The following L3MBTL4 variants were observed in gnomAD, a reference collection of about 807,000 sequenced individuals.
L3MBTL4 encodes the protein L3MBTL histone methyl-lysine binding protein 4, also known as lethal(3)malignant brain tumor-like protein 4.
L3MBTL4 carries 70 observed loss-of-function variants against 84.5 expected under a neutral mutation model. The ratio of observed to expected loss-of-function variants is 0.83; its 90% CI spans 0.68 to 1.01. The LOEUF (loss-of-function observed/expected upper bound fraction) is 1.01, where lower values mean the gene tolerates loss of function less well. Ranked by LOEUF, L3MBTL4 falls within the 50% of genes least tolerant of loss-of-function variation. The pLI is 0.00. For missense variants in L3MBTL4, 715 were observed against 754.8 expected, an observed-to-expected ratio of 0.95 and a Z score of 0.62; for synonymous variants, 274 against 259.8, an observed-to-expected ratio of 1.05 and a Z score of -0.52.
intron 17 of L3MBTL4, among the ~76,000 whole-genome samples, chr18:5,963,929 G>GCACC (rs946691639): frequency 3.3e-5 from 5 of 152,250 alleles, no homozygotes; most frequent in African/African-American, 1.2e-4. Context: ...CACTTGCCCT[G>GCACC]CACCCACAGA....
At chr18:6,385,049 G>A (rs2144416896) in intron 1 of L3MBTL4, among the ~76,000 whole-genome samples, 1 of 152,264 alleles carries the variant, frequency 6.6e-6, no homozygotes, top group Admixed American at 6.5e-5. Flanking sequence ...GGAAGGGAGA[G>A]AAGTTCGTAA....
At chr18:5,981,516 C>T (rs779623609) in intron 16 of L3MBTL4, among the ~76,000 whole-genome samples, 6 of 152,142 alleles carry the variant, frequency 3.9e-5, no homozygotes, top group Admixed American at 1.3e-4. Context: ...CAGGTCCTGT[C>T]GGAAACTAAG....
At chr18:6,051,702 C>T (rs1205117868) in intron 16 of L3MBTL4, among the ~76,000 whole-genome samples, 1 of 152,136 alleles carries the variant, frequency 6.6e-6, no homozygotes, top group Non-Finnish European at 1.5e-5. Context: ...CTGGGTGGAG[C>T]CACCACCTTC....
chr18:6,279,700 C>T (rs2049242284), intron 4 of L3MBTL4, among the ~76,000 whole-genome samples: 1 of 152,124 alleles, frequency 6.6e-6, no homozygotes, highest in Non-Finnish European at 1.5e-5. Flanking sequence ...AAAATATACT[C>T]CATATAATTA....
intron 12 of L3MBTL4, among the ~76,000 whole-genome samples, chr18:6,202,048 A>G (rs990749015): frequency 6.6e-6 from 1 of 152,138 alleles, no homozygotes; most frequent in Non-Finnish European, 1.5e-5. Flanking sequence ...ACCAACTTTC[A>G]GCCAGTCAAA....
intron 1 of L3MBTL4, among the ~76,000 whole-genome samples, chr18:6,315,132 T>C (rs936282534): frequency 2.6e-5 from 4 of 152,236 alleles, no homozygotes; most frequent in African/African-American, 7.2e-5. Flanking sequence ...AGGGACACTA[T>C]GTCTAACGAC....
intron 16 of L3MBTL4, among the ~76,000 whole-genome samples, chr18:6,051,146 G>A (rs945008082): frequency 6.6e-6 from 1 of 152,170 alleles, no homozygotes; most frequent in African/African-American, 2.4e-5. Flanking sequence ...AGCTAATTTG[G>A]TTGCCAGTCC....
At chr18:6,319,872 A>G (rs115306201) in intron 1 of L3MBTL4, among the ~76,000 whole-genome samples, 1 of 152,148 alleles carries the variant, frequency 6.6e-6, no homozygotes, top group East Asian at 1.9e-4. Context: ...ATCCCTGATG[A>G]ACATAGATGC....
chr18:6,276,968 T>TA (rs2049106540), intron 4 of L3MBTL4, among the ~76,000 whole-genome samples: 1 of 151,936 alleles, frequency 6.6e-6, no homozygotes, highest in East Asian at 1.9e-4. Flanking sequence ...GAGAGTAAAA[T>TA]AACAAAATTT....
intron 16 of L3MBTL4, among the ~76,000 whole-genome samples, chr18:6,044,376 A>G (rs1243431205): frequency 6.6e-6 from 1 of 152,206 alleles, no homozygotes; most frequent in East Asian, 1.9e-4. Flanking sequence ...ATGGTCACAA[A>G]TGGATGTGGT....
At chr18:6,117,014 C>T (rs73380077) in intron 14 of L3MBTL4, among the ~76,000 whole-genome samples, 2,667 of 152,294 alleles carry the variant, frequency 0.018, 67 homozygotes, top group African/African-American at 0.061. Context: ...ATATGCATTG[C>T]TTTGGTGTTG....
chr18:6,390,085 G>C (rs2054984061), intron 1 of L3MBTL4, among the ~76,000 whole-genome samples: 1 of 152,036 alleles, frequency 6.6e-6, no homozygotes, highest in South Asian at 2.1e-4. Context: ...AAAAACTGAA[G>C]TCATATCAAG....
intron 16 of L3MBTL4, among the ~76,000 whole-genome samples, chr18:6,010,557 T>C (rs1299703110): frequency 6.6e-6 from 1 of 152,224 alleles, no homozygotes; most frequent in Non-Finnish European, 1.5e-5. Context: ...TTCTCCTGTA[T>C]GACAGATCTG....
intron 14 of L3MBTL4, among the ~76,000 whole-genome samples, chr18:6,095,434 T>A (rs1390758985): frequency 6.8e-6 from 1 of 147,554 alleles, no homozygotes; most frequent in Non-Finnish European, 1.5e-5. Flanking sequence ...CACTGCAAGC[T>A]CCGCCTCCCG....
rs148989341 is a variant in L3MBTL4 at position 6,390,433 on chromosome 18, G to A, written c.-91+24368C>T. Reference sequence around the variant, plus strand: ...CACTTCAGGGAACTAGAGAACAAGAGCAAACTAAACTCAAAGCTAGCAGAA... The same window carrying A: ...CACTTCAGGGAACTAGAGAACAAGAACAAACTAAACTCAAAGCTAGCAGAA... On this transcript the variant is annotated intron_variant, in intron 1 of 18. Transcript: ENST00000317931. Among the ~76,000 whole-genome samples the A allele has an allele frequency of 2.6e-4, 40 of 152,082 alleles. No individual in the cohort carries two copies. The East Asian group carries it at 4.8e-3, about 18-fold the overall frequency.
At chr18:5,962,951 G>A (rs1292876498) in intron 17 of L3MBTL4, among the ~76,000 whole-genome samples, 3 of 152,220 alleles carry the variant, frequency 2.0e-5, no homozygotes, top group Non-Finnish European at 4.4e-5. Context: ...GTCCCCTTCT[G>A]AGTTGTAACA....
At chr18:5,958,489 T>C (rs946774701) in intron 18 of L3MBTL4, among the ~76,000 whole-genome samples, 3 of 152,142 alleles carry the variant, frequency 2.0e-5, no homozygotes, top group African/African-American at 4.8e-5. Context: ...AATAAGGTCG[T>C]GATGGTGACA....
intron 5 of L3MBTL4, among the ~76,000 whole-genome samples, chr18:6,254,627 CT>C (rs1268155622): frequency 2.0e-5 from 3 of 152,078 alleles, no homozygotes; most frequent in Non-Finnish European, 4.4e-5. Context: ...TCCTAAACTG[CT>C]GCCAAGATTG....
chr18:6,345,199 C>G (rs1213876776), intron 1 of L3MBTL4, among the ~76,000 whole-genome samples: 1 of 131,022 alleles, frequency 7.6e-6, no homozygotes, highest in Non-Finnish European at 1.6e-5. Context: ...GGTGAAACCC[C>G]ATCTCTACTA....
Sources: gnomAD v4.1 joint callset for allele counts (sites outside exome capture counted in the v4.1 genomes callset) on GRCh38, gnomAD v4.1.1 for gene constraint, MANE v1.5 for transcripts, NCBI Gene and HGNC (gene_info 2026-07-23, HGNC 2026-07-21) for gene names.